The following GRID2 variants were observed in gnomAD, a reference collection of about 807,000 sequenced individuals.
GRID2 encodes the protein glutamate receptor ionotropic, delta-2.
A neutral mutation model predicts 114.8 loss-of-function variants in GRID2; 33 were observed. The ratio of observed to expected loss-of-function variants is 0.29; its 90% CI spans 0.22 to 0.38. The LOEUF (loss-of-function observed/expected upper bound fraction) is 0.38, where lower values mean the gene tolerates loss of function less well. Among genes scored for constraint, GRID2 ranks in the 10% least tolerant of loss-of-function variants. The pLI is 1.00. For missense variants in GRID2, 1,184 were observed against 1,257.7 expected, an observed-to-expected ratio of 0.94 and a Z score of 0.89; for synonymous variants, 505 against 449.9, an observed-to-expected ratio of 1.12 and a Z score of -1.55.
At chr4:93,800,023 AT>A (rs1192194102) in intron 1 of GRID2, among the ~76,000 whole-genome samples, 4 of 152,220 alleles carry the variant, frequency 2.6e-5, no homozygotes, top group African/African-American at 9.6e-5. Context: ...ATTTTTAAAA[AT>A]GAAAGCTCCT....
intron 1 of GRID2, among the ~76,000 whole-genome samples, chr4:92,349,835 A>G (rs1727974898): frequency 6.6e-6 from 1 of 151,902 alleles, no homozygotes; most frequent in Non-Finnish European, 1.5e-5. Context: ...AAAATGAAAT[A>G]GTTTAAAAAT....
At chr4:92,625,443 A>AGTCTT (rs1228588925) in intron 2 of GRID2, among the ~76,000 whole-genome samples, 1 of 151,824 alleles carries the variant, frequency 6.6e-6, no homozygotes, top group African/African-American at 2.4e-5. Flanking sequence ...GTAGAAAGAG[A>AGTCTT]GTCTTCAGAC....
intron 1 of GRID2, among the ~76,000 whole-genome samples, chr4:92,481,729 A>G (rs1349106811): frequency 2.0e-5 from 3 of 151,642 alleles, no homozygotes; most frequent in South Asian, 2.1e-4. Flanking sequence ...TATTTTTCCA[A>G]TTATTTAAAG....
At chr4:92,783,086 T>C (rs182074762) in intron 2 of GRID2, among the ~76,000 whole-genome samples, 4 of 152,232 alleles carry the variant, frequency 2.6e-5, no homozygotes, top group African/African-American at 9.6e-5. Flanking sequence ...ATTATTCATA[T>C]ATCATGATTT....
At chr4:92,450,355 G>A (rs1299374377) in intron 1 of GRID2, among the ~76,000 whole-genome samples, 1 of 151,908 alleles carries the variant, frequency 6.6e-6, no homozygotes, top group Non-Finnish European at 1.5e-5. Flanking sequence ...CTTGCTTAGG[G>A]GTTGAAAAAG....
intron 2 of GRID2, among the ~76,000 whole-genome samples, chr4:92,761,753 A>G (rs1738022098): frequency 6.6e-6 from 1 of 152,092 alleles, no homozygotes; most frequent in African/African-American, 2.4e-5. Flanking sequence ...TCCTCTTTCT[A>G]TCAATAATGC....
chr4:93,177,126 CCA>C (rs1198856539), intron 4 of GRID2, among the ~76,000 whole-genome samples: 4 of 152,020 alleles, frequency 2.6e-5, no homozygotes. Flanking sequence ...ATGAGTTATC[CCA>C]GTTTTCCCAA....
intron 2 of GRID2, among the ~76,000 whole-genome samples, chr4:92,906,531 G>A (rs1747969766): frequency 6.7e-6 from 1 of 149,118 alleles, no homozygotes; most frequent in African/African-American, 2.5e-5. Context: ...AGCTCTCTTG[G>A]CCTCTGTGCC....
rs547124778 is a variant in GRID2 at position 92,452,216 on chromosome 4, A to G, written c.89-137915A>G. 3.8e-3 allele frequency among the ~76,000 whole-genome samples: 572 copies of G among 152,244 alleles called. 3 individuals carry two copies. The highest frequency in any genetic ancestry group is 0.012 in the African/African-American group (511 of 41,546). On this transcript the variant is annotated intron_variant, in intron 1 of 15. Coordinates refer to ENST00000282020, the MANE Select transcript of GRID2 (RefSeq NM_001510.4). ...ATAAAAATAATATTATGCCACATAAATGTTCTTTATAGTATATATGGAAAT... is the reference window on the plus strand; with the variant it reads ...ATAAAAATAATATTATGCCACATAAGTGTTCTTTATAGTATATATGGAAAT...
At chr4:92,358,854 A>T (rs773921706) in intron 1 of GRID2, among the ~76,000 whole-genome samples, 1 of 151,968 alleles carries the variant, frequency 6.6e-6, no homozygotes, top group African/African-American at 2.4e-5. Flanking sequence ...TGCCATTCTC[A>T]TTAGTATAGA....
rs201891693 is a variant in GRID2, at chr4:92,513,939, G to A, written c.89-76192G>A. 5.9e-5 allele frequency among the ~76,000 whole-genome samples: 9 copies of A among 151,940 alleles called. No individual in the cohort carries two copies. The East Asian group carries it at 1.6e-3, about 26-fold the overall frequency. On this transcript the variant is annotated intron_variant, in intron 1 of 15. Transcript: ENST00000282020. Reference sequence around the variant, plus strand: ...CCAGTTTCTTCAGGATTTTGAAGACGAATTGAACAATAAAAAGTTAAGAGC... The same window carrying A: ...CCAGTTTCTTCAGGATTTTGAAGACAAATTGAACAATAAAAAGTTAAGAGC...
At chr4:93,151,727 C>T (rs1328663266) in intron 4 of GRID2, among the ~76,000 whole-genome samples, 2 of 152,004 alleles carry the variant, frequency 1.3e-5, no homozygotes, top group East Asian at 3.9e-4. Flanking sequence ...ATGTGAAAAC[C>T]ACTTTTTTAT....
intron 2 of GRID2, among the ~76,000 whole-genome samples, chr4:92,670,620 C>T (rs1733011865): frequency 6.6e-6 from 1 of 151,924 alleles, no homozygotes; most frequent in Admixed American, 6.6e-5. Flanking sequence ...TTATTGCTAA[C>T]AATAAATGTA....
Position 93,721,888 on chromosome 4 carries a change from C to A in GRID2, c.2361-47322C>A, listed in dbSNP as rs959780917. 1.1e-3 allele frequency among the ~76,000 whole-genome samples: 171 copies of A among 149,264 alleles called. 1 individual carries two copies. The highest frequency in any genetic ancestry group is 4.1e-3 in the African/African-American group (168 of 40,830). On this transcript the variant is annotated intron_variant, in intron 14 of 15. Transcript: ENST00000282020. The stretch of plus-strand genomic sequence containing the variant: ...TTCTATAGTTGAAGAAACTTGAAAT[C>A]AAGAAAAAGAGGAGAAAATAATTTC...
intron 2 of GRID2, among the ~76,000 whole-genome samples, chr4:92,931,628 A>C (rs1377372823): frequency 1.3e-5 from 2 of 151,044 alleles, no homozygotes; most frequent in East Asian, 3.9e-4. Flanking sequence ...GAAGATACAC[A>C]CACACACACA....
At chr4:92,652,322 TG>T (rs1397961146) in intron 2 of GRID2, among the ~76,000 whole-genome samples, 1 of 152,026 alleles carries the variant, frequency 6.6e-6, no homozygotes, top group East Asian at 1.9e-4. Flanking sequence ...ACCAGCCACC[TG>T]GGCATCCTGT....
chr4:93,694,706 C>T (rs1477191238), intron 14 of GRID2, among the ~76,000 whole-genome samples: 1 of 152,070 alleles, frequency 6.6e-6, no homozygotes, highest in Non-Finnish European at 1.5e-5. Flanking sequence ...AGGGCATCAA[C>T]GTCGACCACC....
chr4:93,187,464 C>G (rs1740545578), intron 4 of GRID2, among the ~76,000 whole-genome samples: 1 of 152,024 alleles, frequency 6.6e-6, no homozygotes, highest in Admixed American at 6.6e-5. Context: ...TTAGTAGAGA[C>G]AGGGTTTCAT....
At chr4:92,961,521 G>A (rs1430309825) in intron 2 of GRID2, among the ~76,000 whole-genome samples, 1 of 151,036 alleles carries the variant, frequency 6.6e-6, no homozygotes, top group Non-Finnish European at 1.5e-5. Context: ...TGCTTTCATA[G>A]TTTCTGATAA....
Sources: allele counts gnomAD v4.1 joint callset (sites outside exome capture counted in the v4.1 genomes callset), GRCh38; gene constraint gnomAD v4.1.1; transcripts MANE v1.5; gene names NCBI Gene and HGNC (gene_info 2026-07-23, HGNC 2026-07-21).